The following MEF2A variants were observed in gnomAD, a reference collection of about 807,000 sequenced individuals.
MEF2A encodes myocyte-specific enhancer factor 2A.
Under a neutral mutation model 55.8 loss-of-function variants are expected in MEF2A, and 28 were observed. The ratio of observed to expected loss-of-function variants is 0.50; its 90% CI spans 0.37 to 0.69. The LOEUF is 0.69. Ranked by LOEUF, MEF2A falls within the 30% of genes least tolerant of loss-of-function variation. The pLI is 0.00. For synonymous variants in MEF2A, 239 were observed against 227.1 expected (o/e 1.05, Z -0.47); for missense variants, 528 against 626.2 (o/e 0.84, Z 1.67).
intron 2 of MEF2A, among the ~76,000 whole-genome samples, chr15:99,609,593 T>C (rs1976418758): frequency 6.6e-6 from 1 of 152,214 alleles, no homozygotes; most frequent in Non-Finnish European, 1.5e-5. Flanking sequence ...TGGAATACCT[T>C]AGTCATTTTC....
At chr15:99,626,097 A>C (rs2042003773) in intron 2 of MEF2A, among the ~76,000 whole-genome samples, 1 of 152,132 alleles carries the variant, frequency 6.6e-6, no homozygotes, top group Non-Finnish European at 1.5e-5. Flanking sequence ...TTTCTTTGTC[A>C]GGAGGTTTTT....
chr15:99,656,649 A>G (rs1418657430), intron 4 of MEF2A, among the ~76,000 whole-genome samples: 1 of 152,154 alleles, frequency 6.6e-6, no homozygotes, highest in East Asian at 1.9e-4. Flanking sequence ...AATCAGGTTA[A>G]TACTGTAGTA....
chr15:99,675,566 C>T (rs2051820969), intron 7 of MEF2A, 108 bp downstream of exon 7: 1 of 885,514 alleles, frequency 1.1e-6, no homozygotes, highest in South Asian at 1.6e-5. Context: ...CTGAAGGGTA[C>T]TTTCACTAAT....
intron 3 of MEF2A, among the ~76,000 whole-genome samples, chr15:99,637,085 A>G (rs2044008552): frequency 6.7e-6 from 1 of 149,668 alleles, no homozygotes; most frequent in African/African-American, 2.5e-5. Flanking sequence ...TTTAATTACT[A>G]TAATTTGATA....
intron 2 of MEF2A, among the ~76,000 whole-genome samples, chr15:99,628,341 A>G (rs2042372202): frequency 6.6e-6 from 1 of 152,052 alleles, no homozygotes. Context: ...CATATTTAAG[A>G]TGTGTCCTCT....
intron 2 of MEF2A, among the ~76,000 whole-genome samples, chr15:99,617,144 A>T (rs1447461347): frequency 6.6e-6 from 1 of 152,070 alleles, no homozygotes; most frequent in Non-Finnish European, 1.5e-5. Flanking sequence ...TGAGGACTTA[A>T]CTCACACATC....
chr15:99,700,222 G>C (rs1216176291), intron 8 of MEF2A, among the ~76,000 whole-genome samples: 2 of 112,948 alleles, frequency 1.8e-5, no homozygotes, highest in South Asian at 6.9e-4. Flanking sequence ...ACATATGTAC[G>C]TATGTGTCTG....
At chr15:99,695,543 G>GTGTGTGTGTGTGTGTGTGTGTC (rs1367768427) in intron 8 of MEF2A, among the ~76,000 whole-genome samples, 7 of 147,610 alleles carry the variant, frequency 4.7e-5, no homozygotes, top group African/African-American at 1.7e-4. Flanking sequence ...TGTCAGATTT[G>GTGTGTGTGTGTGTGTGTGTGTC]TGTGTGTGTG....
At chr15:99,711,502 G>C (rs1056941794) in intron 11 of MEF2A, among the ~76,000 whole-genome samples, 2 of 152,204 alleles carry the variant, frequency 1.3e-5, no homozygotes, top group African/African-American at 4.8e-5. Flanking sequence ...GATGACAGCA[G>C]ACCCATGGAG....
At chr15:99,664,802 G>A (rs1195779741) in intron 4 of MEF2A, among the ~76,000 whole-genome samples, 1 of 152,176 alleles carries the variant, frequency 6.6e-6, no homozygotes, top group Non-Finnish European at 1.5e-5. Flanking sequence ...ATGAAAGTGT[G>A]CAGCAGGCAG....
intron 1 of MEF2A, among the ~76,000 whole-genome samples, chr15:99,593,235 C>G (rs551955202): frequency 6.6e-6 from 1 of 152,138 alleles, no homozygotes; most frequent in Non-Finnish European, 1.5e-5. Flanking sequence ...TTATCTGTCT[C>G]TTGTACTCCG....
chr15:99,615,090 G>A (rs34651845), intron 2 of MEF2A, among the ~76,000 whole-genome samples: 3,306 of 152,328 alleles, frequency 0.022, 63 homozygotes, highest in Non-Finnish European at 0.029. Context: ...TTAGGGGGCT[G>A]TTGCAATGCT....
At chr15:99,689,449 A>C (rs1454417619) in intron 7 of MEF2A, among the ~76,000 whole-genome samples, 1 of 152,152 alleles carries the variant, frequency 6.6e-6, no homozygotes, top group Non-Finnish European at 1.5e-5. Context: ...TTTAGTCCCC[A>C]GTATGAGATG....
At chr15:99,685,322 G>A (rs918051324) in intron 7 of MEF2A, among the ~76,000 whole-genome samples, 7 of 152,170 alleles carry the variant, frequency 4.6e-5, no homozygotes, top group Admixed American at 1.3e-4. Flanking sequence ...CTACCCATCC[G>A]TGAGCATGAG....
chr15:99,675,536 G>C, intron 7 of MEF2A, 78 bp downstream of exon 7: 1 of 1,287,156 alleles, frequency 7.8e-7, no homozygotes, highest in Non-Finnish European at 1.1e-6. Context: ...CTGAAATAAA[G>C]CTTTCTGGGA....
chr15:99,660,876 C>G (rs185765562), intron 4 of MEF2A, among the ~76,000 whole-genome samples: 2 of 152,168 alleles, frequency 1.3e-5, no homozygotes, highest in East Asian at 3.9e-4. Context: ...ATCAGAATCC[C>G]AAGAAATACT....
intron 8 of MEF2A, among the ~76,000 whole-genome samples, chr15:99,697,234 C>T (rs768598188): frequency 1.1e-4 from 17 of 151,464 alleles, no homozygotes; most frequent in Admixed American, 2.0e-4. Context: ...AAGTCCTAGC[C>T]AGTACAGTTA....
chr15:99,578,572 A>G (rs751339993), intron 1 of MEF2A, among the ~76,000 whole-genome samples: 1 of 152,202 alleles, frequency 6.6e-6, no homozygotes, highest in Non-Finnish European at 1.5e-5. Context: ...AGATCTGGGT[A>G]CTAGGACTGC....
At chr15:99,570,004 A>G (rs891480831) in intron 1 of MEF2A, among the ~76,000 whole-genome samples, 1 of 151,774 alleles carries the variant, frequency 6.6e-6, no homozygotes, top group Admixed American at 6.6e-5. Flanking sequence ...CTAAATTTTT[A>G]TATAGATGCT....
Sources: allele counts gnomAD v4.1 joint callset (sites outside exome capture counted in the v4.1 genomes callset), GRCh38; gene constraint gnomAD v4.1.1; transcripts MANE v1.5; gene names NCBI Gene and HGNC (gene_info 2026-07-23, HGNC 2026-07-21).